The following ZRANB1 variants were observed in gnomAD, a reference collection of about 807,000 sequenced individuals.
ZRANB1 encodes zinc finger RANBP2-type containing 1.
Under a neutral mutation model 80.5 loss-of-function variants are expected in ZRANB1, and 16 were observed. That is an observed-to-expected ratio of 0.20 (90% CI 0.13 to 0.30). The LOEUF is 0.30. Ranked by LOEUF, ZRANB1 falls within the 10% of genes least tolerant of loss-of-function variation. The pLI is 1.00. For missense variants in ZRANB1, 576 were observed against 862.6 expected (o/e 0.67, Z 4.16); for synonymous variants, 291 against 293.1 (o/e 0.99, Z 0.07).
the ZRANB1 span, among the ~76,000 whole-genome samples, chr10:124,927,144 A>T: frequency 6.6e-6 from 1 of 152,030 alleles, no homozygotes; most frequent in East Asian, 1.9e-4. Context: ...TTTAGTGGAG[A>T]TGGGGTTTCA....
intron 5 of ZRANB1, among the ~76,000 whole-genome samples, chr10:124,976,109 A>G (rs1231356022): frequency 6.6e-6 from 1 of 152,216 alleles, no homozygotes; most frequent in Non-Finnish European, 1.5e-5. Flanking sequence ...TAATAAAGCT[A>G]AAGAATGAAT....
intron 5 of ZRANB1, among the ~76,000 whole-genome samples, chr10:124,974,813 G>T (rs561533460): frequency 6.6e-6 from 1 of 152,098 alleles, no homozygotes; most frequent in African/African-American, 2.4e-5. Context: ...TTGATCCATC[G>T]ATGGAAGCAG....
At chr10:124,981,202 T>G (rs1455713578) in intron 5 of ZRANB1, among the ~76,000 whole-genome samples, 1 of 152,186 alleles carries the variant, frequency 6.6e-6, no homozygotes, top group Non-Finnish European at 1.5e-5. Context: ...TGGGTTTCTT[T>G]TTGGTTGCTT....
chr10:124,954,174 C>T (rs894126907), intron 1 of ZRANB1, among the ~76,000 whole-genome samples: 4 of 56,458 alleles, frequency 7.1e-5, no homozygotes, highest in Non-Finnish European at 9.3e-5. Flanking sequence ...TTTGTAGAGG[C>T]GGGGTTTCAC....
Position 124,942,157 on chromosome 10 carries a change from G to A in ZRANB1, c.-337G>A. ...TCCCTGAAATTAAACATTTCTATTA[G>A]TGGCTTCCCGTTAATCTCATCCTTC... On this transcript the variant is annotated 5_prime_UTR_variant, in exon 1 of 9. It adds an upstream start codon to the 5' untranslated region. Transcript: ENST00000359653. The A allele has an allele frequency of 9.3e-7, 1 of 1,077,272 alleles. No individual in the cohort carries two copies. The highest frequency in any genetic ancestry group is 1.1e-6 in the Non-Finnish European group (1 of 887,704). The allele number at this position is 1,077,272 out of a possible 1,614,324, so 66.7% of individuals were successfully genotyped here. A position where few individuals can be genotyped will look rare whatever the true frequency, so the allele number is the denominator to read the frequency against.
chr10:124,927,686 CAA>C, the ZRANB1 span, among the ~76,000 whole-genome samples: 1 of 152,134 alleles, frequency 6.6e-6, no homozygotes, highest in African/African-American at 2.4e-5. Context: ...GTGTTAGAAA[CAA>C]ATCATAATTC....
intron 8 of ZRANB1, chr10:124,984,180 G>C (rs1951974013): frequency 6.4e-6 from 1 of 156,580 alleles, no homozygotes; most frequent in Admixed American, 6.3e-5. Context: ...ACCCAGAAGA[G>C]GAACATTTGG....
the ZRANB1 span, among the ~76,000 whole-genome samples, chr10:124,918,502 T>C: frequency 2.0e-5 from 3 of 152,380 alleles, no homozygotes; most frequent in South Asian, 6.2e-4. Context: ...GAGAAATCTT[T>C]AACTCTGGGA....
rs534320575 is a variant in ZRANB1 at position 124,964,100 on chromosome 10, A to G, written c.815-2494A>G. The stretch of plus-strand genomic sequence containing the variant: ...AGCATGGAGTAGGAGGGACTAATTA[A>G]GTGTTTTTGATAATTTTGTATTAGG... On this transcript the variant is annotated intron_variant, in intron 1 of 8. Transcript: ENST00000359653. Among the ~76,000 whole-genome samples, 29 of 152,338 alleles carry G rather than the reference A, an allele frequency of 1.9e-4. No homozygotes were observed. In the South Asian group the frequency reaches 5.8e-3, roughly 30 times the overall value.
At chr10:124,925,668 C>T in the ZRANB1 span, among the ~76,000 whole-genome samples, 1 of 152,102 alleles carries the variant, frequency 6.6e-6, no homozygotes, top group African/African-American at 2.4e-5. Context: ...ATGTTTTCTT[C>T]TAAGAGTTTC....
chr10:124,983,663 A>G lies in ZRANB1; in HGVS notation c.1883A>G (p.His628Arg), dbSNP rs1463049401. Residue 628 changes from histidine to arginine, a missense_variant, in exon 8 of 9, where the codon CAT (histidine) becomes CGT (arginine). This residue lies in a region of ZRANB1 where 152 missense variants were observed against 221.9 expected (regional missense o/e 0.69). Coordinates refer to ENST00000359653, the MANE Select transcript of ZRANB1 (RefSeq NM_017580.3). The surrounding 1 kb of genome is among the most constrained non-coding windows in gnomAD (Gnocchi z 6.2). ...GTTGACAGTGAAAGGAAGCTACTCC[A>G]TGTGCACTTCCTTTCTGCTCAGGAG... ...PLVDSERKLL[H>R]VHFLSAQELG... 6 of 1,602,786 alleles carry G rather than the reference A, an allele frequency of 3.7e-6. No individual in the cohort carries two copies. Among genetic ancestry groups the G allele is most frequent in the South Asian group, 2.2e-5 (2 of 90,076 alleles).
rs1469026910 is a variant in ZRANB1, at chr10:124,985,714, A to G, written c.*722A>G. On this transcript the variant is annotated 3_prime_UTR_variant, in exon 9 of 9. Transcript: ENST00000359653. ...ATTTAGATATTTATTTGTTGGGAAG[A>G]ATACCTTAAAATGAGGGTTCTTATT... is the stretch of plus-strand genomic sequence containing the variant. 6.6e-6 allele frequency: 1 copy of G among 152,550 alleles called. No individual in the cohort carries two copies. The highest frequency in any genetic ancestry group is 1.5e-5 in the Non-Finnish European group (1 of 68,040). The allele number at this position is 152,550 out of a possible 1,614,324, so 9.4% of individuals were successfully genotyped here.
intron 1 of ZRANB1, among the ~76,000 whole-genome samples, chr10:124,957,749 G>C (rs1951698499): frequency 6.7e-6 from 1 of 150,284 alleles, no homozygotes; most frequent in Non-Finnish European, 1.5e-5. Context: ...TTTTTCGAGA[G>C]GAAGTTTCGC....
At chr10:124,965,836 A>G (rs1951771279) in intron 1 of ZRANB1, among the ~76,000 whole-genome samples, 2 of 152,242 alleles carry the variant, frequency 1.3e-5, no homozygotes, top group Non-Finnish European at 2.9e-5. Flanking sequence ...TTTACCTAAC[A>G]TTAATTTGTG....
chr10:124,970,261 A>C (rs1347943918), intron 2 of ZRANB1, among the ~76,000 whole-genome samples: 1 of 151,964 alleles, frequency 6.6e-6, no homozygotes, highest in African/African-American at 2.4e-5. Flanking sequence ...GGAGTTTTTA[A>C]ATTTTTTATT....
intron 3 of ZRANB1, among the ~76,000 whole-genome samples, chr10:124,972,442 G>A (rs937232569): frequency 1.3e-5 from 2 of 152,002 alleles, no homozygotes; most frequent in African/African-American, 4.8e-5. Context: ...AATCTCCTTT[G>A]AAAAATTTTC....
At chr10:124,940,644 A>G (rs914841536), upstream of ZRANB1, 33 of 728,494 alleles carry the variant, frequency 4.5e-5, no homozygotes, top group African/African-American at 5.8e-4. Flanking sequence ...TGGTGTATGG[A>G]CTTGGCAGGC....
chr10:124,949,584 C>A (rs765331938), intron 1 of ZRANB1, among the ~76,000 whole-genome samples: 6 of 144,844 alleles, frequency 4.1e-5, no homozygotes, highest in Non-Finnish European at 7.5e-5. Context: ...TGCAGTGGTG[C>A]GATCACAGCT....
chr10:124,964,746 C>CTATAAAA (rs1951763948), intron 1 of ZRANB1, among the ~76,000 whole-genome samples: 1 of 152,106 alleles, frequency 6.6e-6, no homozygotes, highest in South Asian at 2.1e-4. Context: ...GAACTAAAGA[C>CTATAAAA]TATAAAAGGT....
Sources: allele counts gnomAD v4.1 joint callset (sites outside exome capture counted in the v4.1 genomes callset), GRCh38; gene constraint gnomAD v4.1.1; regional missense constraint gnomAD v4.1.1; non-coding constraint Gnocchi (gnomAD v3.1); transcripts MANE v1.5; gene names NCBI Gene and HGNC (gene_info 2026-07-23, HGNC 2026-07-21).